The following EPN2 variants were observed in gnomAD, a reference collection of about 807,000 sequenced individuals.
EPN2 encodes the protein epsin 2.
Under a neutral mutation model 61.7 loss-of-function variants are expected in EPN2, and 34 were observed. The ratio of observed to expected loss-of-function variants is 0.55; its 90% CI spans 0.42 to 0.73. The LOEUF is 0.73. Among genes scored for constraint, EPN2 ranks in the 30% least tolerant of loss-of-function variants. The pLI is 0.00. For synonymous variants in EPN2, 349 were observed against 353.6 expected (o/e 0.99, Z 0.15); for missense variants, 714 against 839.2 (o/e 0.85, Z 1.84).
At position 19,285,659 on chromosome 17, in the gene EPN2, C is replaced by T; in HGVS notation, c.635C>T (p.Ala212Val). Residue 212 changes from alanine to valine, a missense_variant, in exon 4 of 11, where the codon GCC becomes GTC. Physicochemically the swap from Ala to Val is moderately conservative, Grantham distance 64 (BLOSUM62 0). Coordinates refer to ENST00000314728, the MANE Select transcript of EPN2 (RefSeq NM_014964.5). This position sits in a 1 kb window ranked among gnomAD's most constrained non-coding sequence, Gnocchi z 4.5. ...CTGTGCCCCCAGCACCGCACAGGGG[C>T]CCCGCTGGGTCAGAGTGAGGAGCTG... Reference protein sequence around the residue: ...ASLCPQHRTGAPLGQSEELQP... With the variant: ...ASLCPQHRTGVPLGQSEELQP... 2 of 1,568,762 alleles carry T rather than the reference C, an allele frequency of 1.3e-6. No homozygotes were observed. Among genetic ancestry groups the T allele is most frequent in the Non-Finnish European group, 1.7e-6 (2 of 1,157,786 alleles).
At chr17:19,281,445 T>C (rs2045358107) in intron 1 of EPN2, among the ~76,000 whole-genome samples, 2 of 152,248 alleles carry the variant, frequency 1.3e-5, no homozygotes, top group South Asian at 4.1e-4. Flanking sequence ...TTGTTTGTGA[T>C]GAGTAGTCAT....
In EPN2 at chr17:19,335,555, G is replaced by A. The variant is rs963555108; in HGVS notation, c.*1301G>A. On this transcript the variant is annotated 3_prime_UTR_variant, in exon 11 of 11. Coordinates refer to ENST00000314728, the MANE Select transcript of EPN2 (RefSeq NM_014964.5). ...TGGAAATGGCAGTTGTCCCGAGGGC[G>A]TGGGGTGGGGGGTGCTTCTGTGCCC... 2.7e-5 allele frequency: 38 copies of A among 1,396,860 alleles called. No individual in the cohort carries two copies. The highest frequency in any genetic ancestry group is 2.2e-4 in the Admixed American group (10 of 46,024). 86.5% of individuals were successfully genotyped at this position (1,396,860 alleles called of 1,614,324 possible). A position where few individuals can be genotyped will look rare whatever the true frequency, so the allele number is the denominator to read the frequency against.
At chr17:19,319,129 C>T (rs1906528483) in intron 7 of EPN2, among the ~76,000 whole-genome samples, 1 of 151,300 alleles carries the variant, frequency 6.6e-6, no homozygotes, top group South Asian at 2.1e-4. Flanking sequence ...ACCCGGGAGG[C>T]AGAGATTGCA....
intron 1 of EPN2, chr17:19,273,418 C>T (rs1202924221): frequency 2.0e-5 from 3 of 152,182 alleles, no homozygotes; most frequent in African/African-American, 4.8e-5. Flanking sequence ...TCCTGCTCTA[C>T]TGTCTAGAAG....
chr17:19,313,897 T>G (rs1304146031), intron 7 of EPN2, among the ~76,000 whole-genome samples: 1 of 152,172 alleles, frequency 6.6e-6, no homozygotes, highest in Non-Finnish European at 1.5e-5. Flanking sequence ...TCTTAATCAC[T>G]GGGCAGGAGC....
At chr17:19,241,106 A>T (rs564043942) in intron 1 of EPN2, among the ~76,000 whole-genome samples, 1 of 152,172 alleles carries the variant, frequency 6.6e-6, no homozygotes, top group Non-Finnish European at 1.5e-5. Flanking sequence ...CCAAAATGTT[A>T]TTATACCTGT....
Position 19,334,265 on chromosome 17 carries a change from T to C in EPN2, c.*11T>C. The stretch of plus-strand genomic sequence containing the variant: ...CCTTTCCTTCTCTAGTGCCTGGGCC[T>C]GGGACCCACCCAGAGCACCTGTGCT... On this transcript the variant is annotated 3_prime_UTR_variant, in exon 11 of 11. Coordinates refer to ENST00000314728, the MANE Select transcript of EPN2 (RefSeq NM_014964.5). This position sits in a 1 kb window ranked among gnomAD's most constrained non-coding sequence, Gnocchi z 4.9. The C allele has an allele frequency of 7.0e-7, 1 of 1,435,298 alleles. No individual in the cohort carries two copies. The highest frequency in any genetic ancestry group is 9.2e-7 in the Non-Finnish European group (1 of 1,085,260). The allele number at this position is 1,435,298 out of a possible 1,614,324, so 88.9% of individuals were successfully genotyped here. A position where few individuals can be genotyped will look rare whatever the true frequency, so the allele number is the denominator to read the frequency against.
intron 1 of EPN2, among the ~76,000 whole-genome samples, chr17:19,268,149 C>A (rs921543153): frequency 6.6e-6 from 1 of 152,194 alleles, no homozygotes; most frequent in Non-Finnish European, 1.5e-5. Flanking sequence ...TCTCATTCTT[C>A]ATTGCAGTGC....
chr17:19,256,734 G>A (rs1168696648), intron 1 of EPN2, among the ~76,000 whole-genome samples: 1 of 152,150 alleles, frequency 6.6e-6, no homozygotes, highest in African/African-American at 2.4e-5. Context: ...TTAAAATTTA[G>A]CTGTGAAGTC....
chr17:19,283,322 G>T lies in EPN2; in HGVS notation c.203G>T (p.Gly68Val). ...GTGTGGAAGCGGCTGAATGACCATG[G>T]CAAGAACTGGCGGCATGTGTACAAG... ...SMVWKRLNDHGKNWRHVYKAL... is the reference protein window; with the variant it reads ...SMVWKRLNDHVKNWRHVYKAL... Residue 68 changes from glycine to valine, a missense_variant, in exon 3 of 11, where the codon GGC becomes GTC. Around this residue, in one of 2 missense-constraint regions of EPN2, gnomAD observed 304 missense variants for 417.4 expected, o/e 0.73. Coordinates refer to ENST00000314728, the MANE Select transcript of EPN2 (RefSeq NM_014964.5). The surrounding 1 kb of genome is among the most constrained non-coding windows in gnomAD (Gnocchi z 7.0). 6.2e-7 allele frequency: 1 copy of T among 1,614,120 alleles called. No individual in the cohort carries two copies. Among genetic ancestry groups the T allele is most frequent in the Non-Finnish European group, 8.5e-7 (1 of 1,180,010 alleles).
At chr17:19,250,639 C>T (rs921571211) in intron 1 of EPN2, among the ~76,000 whole-genome samples, 4 of 152,118 alleles carry the variant, frequency 2.6e-5, no homozygotes, top group South Asian at 2.1e-4. Flanking sequence ...GAGCCAGTGT[C>T]GGCGCCATCT....
chr17:19,264,984 G>A (rs561576973), intron 1 of EPN2, among the ~76,000 whole-genome samples: 1 of 152,296 alleles, frequency 6.6e-6, no homozygotes, highest in Non-Finnish European at 1.5e-5. Flanking sequence ...CCTGGGCAGA[G>A]CATCCCTGGA....
chr17:19,308,406 A>G (rs1024742311), intron 4 of EPN2: 1 of 985,444 alleles, frequency 1.0e-6, no homozygotes, highest in Middle Eastern at 5.2e-4. Context: ...CCCGTTAACC[A>G]TGAAATTGAA....
chr17:19,292,953 TTGACAGTTTTTGAAA>T (rs2045479299), intron 4 of EPN2, among the ~76,000 whole-genome samples: 1 of 152,284 alleles, frequency 6.6e-6, no homozygotes, highest in South Asian at 2.1e-4. Flanking sequence ...TTTCCTCTAC[TTGACAGTTTTTGAAA>T]TTGCTTTAAA....
chr17:19,335,531 G>T lies in EPN2; in HGVS notation c.*1277G>T. 1 of 1,503,530 alleles carries T rather than the reference G, an allele frequency of 6.7e-7. No homozygotes were observed. Among genetic ancestry groups the T allele is most frequent in the African/African-American group, 1.4e-5 (1 of 71,936 alleles). 93.1% of individuals were successfully genotyped at this position (1,503,530 alleles called of 1,614,324 possible). A position where few individuals can be genotyped will look rare whatever the true frequency, so the allele number is the denominator to read the frequency against. On this transcript the variant is annotated 3_prime_UTR_variant, in exon 11 of 11. Coordinates refer to ENST00000314728, the MANE Select transcript of EPN2 (RefSeq NM_014964.5). ...CTCAGGCTAAAGATGGGGATAATGT[G>T]GAAATGGCAGTTGTCCCGAGGGCGT... is the stretch of plus-strand genomic sequence containing the variant.
intron 1 of EPN2, among the ~76,000 whole-genome samples, chr17:19,246,743 T>A (rs2044955400): frequency 1.4e-5 from 2 of 141,010 alleles, no homozygotes; most frequent in Non-Finnish European, 3.1e-5. Flanking sequence ...TTTTCCCCCC[T>A]GAAAGCAAGT....
intron 4 of EPN2, among the ~76,000 whole-genome samples, chr17:19,289,629 G>T (rs1240007138): frequency 6.6e-6 from 1 of 151,976 alleles, no homozygotes; most frequent in African/African-American, 2.4e-5. Flanking sequence ...CTGGAGTTGG[G>T]GGGAGAATTC....
In EPN2 at chr17:19,243,293, C is replaced by T. The variant is rs186766428; in HGVS notation, c.-294+5762C>T. On this transcript the variant is annotated intron_variant, in intron 1 of 10. Transcript: ENST00000314728. ...GGAGTGCGGTGGCGCGATCTTGGTT[C>T]GCTGCACTCCACCTCCCAGGTTAAA... Among the ~76,000 whole-genome samples, 10 of 141,610 alleles carry T rather than the reference C, an allele frequency of 7.1e-5. No homozygotes were observed. The East Asian group carries it at 8.5e-4, about 12-fold the overall frequency. 92.9% of individuals were successfully genotyped at this position (141,610 alleles called of 152,430 possible).
In EPN2 at chr17:19,318,053, A is replaced by G. The variant is rs533093204; in HGVS notation, c.1147+4774A>G. 2.6e-4 allele frequency among the ~76,000 whole-genome samples: 39 copies of G among 152,358 alleles called. 1 individual carries two copies. The highest frequency in any genetic ancestry group is 1.5e-3 in the Admixed American group (23 of 15,306). On this transcript the variant is annotated intron_variant, in intron 7 of 10. Transcript: ENST00000314728. ...CATTTGTATAGTCTGAATTCAGCCC[A>G]GCAGTTTGCAGTGTCCTATACACAT...
Sources: allele counts gnomAD v4.1 joint callset (sites outside exome capture counted in the v4.1 genomes callset), GRCh38; gene constraint gnomAD v4.1.1; regional missense constraint gnomAD v4.1.1; non-coding constraint Gnocchi (gnomAD v3.1); transcripts MANE v1.5; gene names NCBI Gene and HGNC (gene_info 2026-07-23, HGNC 2026-07-21).